Variants in GORASP2 observed in about 807,000 individuals in gnomAD.
GORASP2 encodes the protein Golgi reassembly-stacking protein 2.
Under a neutral mutation model 45.7 loss-of-function variants are expected in GORASP2, and 22 were observed. That is an observed-to-expected ratio of 0.48 (90% CI 0.34 to 0.69). The LOEUF is 0.69. GORASP2 is among the 30% of genes least tolerant of loss of function. GORASP2 has a pLI of 0.01. For missense variants in GORASP2, 491 were observed against 562.7 expected, an observed-to-expected ratio of 0.87 and a Z score of 1.29; for synonymous variants, 221 against 215.6, an observed-to-expected ratio of 1.02 and a Z score of -0.22.
intron 1 of GORASP2, among the ~76,000 whole-genome samples, chr2:170,937,292 T>G (rs1559307876): frequency 6.6e-6 from 1 of 152,164 alleles, no homozygotes; most frequent in Non-Finnish European, 1.5e-5. Flanking sequence ...CACCGCAGCC[T>G]CGACTTCATG....
At chr2:170,946,075 G>A (rs774620264) in intron 1 of GORASP2, among the ~76,000 whole-genome samples, 3 of 151,934 alleles carry the variant, frequency 2.0e-5, no homozygotes, top group Non-Finnish European at 2.9e-5. Flanking sequence ...GCAGTGGTGC[G>A]ACCTGGACTC....
chr2:170,930,782 T>C (rs1004291914), intron 1 of GORASP2, among the ~76,000 whole-genome samples: 1 of 152,138 alleles, frequency 6.6e-6, no homozygotes, highest in Non-Finnish European at 1.5e-5. Context: ...AGTTCCCAAA[T>C]GTGAGGTGAA....
At chr2:170,944,356 A>G (rs1321825971) in intron 1 of GORASP2, among the ~76,000 whole-genome samples, 2 of 152,202 alleles carry the variant, frequency 1.3e-5, no homozygotes, top group East Asian at 3.8e-4. Flanking sequence ...CTGACTTCCT[A>G]GCAGTAATTA....
chr2:170,952,195 C>G (rs549578707), intron 5 of GORASP2, among the ~76,000 whole-genome samples: 1 of 152,336 alleles, frequency 6.6e-6, no homozygotes, highest in African/African-American at 2.4e-5. Flanking sequence ...ACAAGAGTGC[C>G]TGCTGAGCAT....
intron 4 of GORASP2, among the ~76,000 whole-genome samples, chr2:170,950,858 T>C (rs944308140): frequency 1.3e-5 from 2 of 152,104 alleles, no homozygotes; most frequent in Non-Finnish European, 2.9e-5. Context: ...GGTGCATGCC[T>C]ATAGTCCCAG....
intron 1 of GORASP2, among the ~76,000 whole-genome samples, chr2:170,937,850 C>G (rs555578510): frequency 1.2e-3 from 182 of 152,204 alleles, no homozygotes; most frequent in African/African-American, 4.1e-3. Context: ...ATCTTGTTAT[C>G]TTTGTGGACA....
chr2:170,929,747 A>C, intron 1 of GORASP2: 3 of 514,264 alleles, frequency 5.8e-6, no homozygotes, highest in Admixed American at 2.3e-5. Flanking sequence ...TTAGCTTCCA[A>C]AGTTAGGAAG....
At chr2:170,942,062 C>T (rs1704088546) in intron 1 of GORASP2, among the ~76,000 whole-genome samples, 1 of 152,056 alleles carries the variant, frequency 6.6e-6, no homozygotes, top group Admixed American at 6.6e-5. Context: ...AGTAGTGTTG[C>T]ATTGTGGTTT....
At position 170,966,254 on chromosome 2, in the gene GORASP2, A is replaced by ACCGTATCTGT; in HGVS notation, c.*124_*125insCCGTATCTGT. 1.4e-6 allele frequency: 1 copy of ACCGTATCTGT among 736,390 alleles called. No individual in the cohort carries two copies. The highest frequency in any genetic ancestry group is 2.3e-6 in the Non-Finnish European group (1 of 431,358). 45.6% of individuals were successfully genotyped at this position (736,390 alleles called of 1,614,324 possible). On this transcript the variant is annotated 3_prime_UTR_variant, in exon 10 of 10. Transcript: ENST00000234160. ...CTGTAGGCATCCTGTAAATAATTCC[A>ACCGTATCTGT]AGGGGAAAACTAAACGAGGACGTGG...
chr2:170,941,234 C>A (rs538144333), intron 1 of GORASP2, among the ~76,000 whole-genome samples: 5 of 152,124 alleles, frequency 3.3e-5, no homozygotes, highest in Non-Finnish European at 7.4e-5. Context: ...TTCTACCTAT[C>A]CATGTTTTGG....
chr2:170,951,280 TC>T (rs776726008), intron 4 of GORASP2, 47 bp from the exon 5 acceptor site: 1 of 1,514,772 alleles, frequency 6.6e-7, no homozygotes, highest in Non-Finnish European at 8.9e-7. Context: ...GACACACTGT[TC>T]CAAAGTATGG....
intron 1 of GORASP2, among the ~76,000 whole-genome samples, chr2:170,941,657 G>A (rs943129754): frequency 2.1e-4 from 32 of 152,144 alleles, no homozygotes; most frequent in African/African-American, 6.3e-4. Flanking sequence ...TCTTTTGCTC[G>A]GATATTGCTT....
chr2:170,958,817 G>A lies in GORASP2; in HGVS notation c.823+2258G>A, dbSNP rs562628431. Among the ~76,000 whole-genome samples, 5 of 152,148 alleles carry A rather than the reference G, an allele frequency of 3.3e-5. No individual in the cohort carries two copies. In the East Asian group the frequency reaches 7.7e-4, roughly 23 times the overall value. ...AGTAGCTGTGATTGATTACAGGCAC[G>A]TGCCACCACACCCAGCTAATTTTTG... On this transcript the variant is annotated intron_variant, in intron 7 of 9. Transcript: ENST00000234160.
At chr2:170,951,718 G>A (rs1027969010) in intron 5 of GORASP2, 9 of 220,482 alleles carry the variant, frequency 4.1e-5, no homozygotes, top group East Asian at 1.9e-4. Context: ...AAATTATTGC[G>A]CATAAGCCAT....
intron 9 of GORASP2, among the ~76,000 whole-genome samples, chr2:170,964,608 G>A (rs35890547): frequency 0.21 from 32,320 of 151,938 alleles, 4,050 homozygotes; most frequent in Non-Finnish European, 0.29. Flanking sequence ...AGCTGAGGTC[G>A]CACCACTGCA....
At position 170,956,537 on chromosome 2, in the gene GORASP2, T is replaced by C; in HGVS notation, c.801T>C (p.Ala267=). The part of the protein sequence containing the change: ...TGLSISSTPP[A]VSSVLSTGVP... The stretch of plus-strand genomic sequence containing the variant: ...TTTCTATTAGCTCAACTCCACCAGC[T>C]GTCAGTAGTGTTCTCAGTACAGGTG... Residue 267 remains alanine, a synonymous_variant, in exon 7 of 10, where the codon GCT becomes GCC. Transcript: ENST00000234160. 1 of 1,613,078 alleles carries C rather than the reference T, an allele frequency of 6.2e-7. No individual in the cohort carries two copies. Among genetic ancestry groups the C allele is most frequent in the Non-Finnish European group, 8.5e-7 (1 of 1,179,322 alleles).
intron 1 of GORASP2, among the ~76,000 whole-genome samples, chr2:170,946,903 G>T (rs1457298585): frequency 6.6e-6 from 1 of 152,088 alleles, no homozygotes; most frequent in Non-Finnish European, 1.5e-5. Flanking sequence ...TTGTGTCACT[G>T]CACTCCAGCC....
rs1038969069 is a variant in GORASP2 at position 170,929,293 on chromosome 2, G to A, written c.-48G>A. ...GATTAGAGCAGGCGGTGCGCTGGGG[G>A]CGGGAGCAGCGCGGAGCCCGGCTCG... On this transcript the variant is annotated 5_prime_UTR_variant, in exon 1 of 10. Transcript: ENST00000234160. 1.5e-5 allele frequency: 19 copies of A among 1,309,130 alleles called. No individual in the cohort carries two copies. The highest frequency in any genetic ancestry group is 6.2e-5 in the East Asian group (2 of 32,008). The allele number at this position is 1,309,130 out of a possible 1,614,324, so 81.1% of individuals were successfully genotyped here.
rs147084049 is a variant in GORASP2 at position 170,949,644 on chromosome 2, G to A, written c.250G>A (p.Val84Ile). 128 of 1,613,986 alleles carry A rather than the reference G, an allele frequency of 7.9e-5. No homozygotes were observed. The highest frequency in any genetic ancestry group is 1.0e-4 in the Non-Finnish European group (123 of 1,179,956). The change falls in exon 3 of 10, where the codon GTC (valine) becomes ATC (isoleucine). Residue 84 changes from valine to isoleucine, a missense_variant. This residue lies in a region of GORASP2 where 194 missense variants were observed against 270.4 expected (regional missense o/e 0.72). Transcript: ENST00000234160. ...AACATTGGAACTGCGAGAGACCTCA[G>A]TCACACCAAGTAACCTGTGGGGCGG... Reference protein sequence around the residue: ...SKTLELRETSVTPSNLWGGQG... With the variant: ...SKTLELRETSITPSNLWGGQG...
Sources: allele counts gnomAD v4.1 joint callset (sites outside exome capture counted in the v4.1 genomes callset), GRCh38; gene constraint gnomAD v4.1.1; regional missense constraint gnomAD v4.1.1; transcripts MANE v1.5; gene names NCBI Gene and HGNC (gene_info 2026-07-23, HGNC 2026-07-21).